The following ZNF75D variants were observed in gnomAD, a reference collection of about 807,000 sequenced individuals.
The protein encoded by ZNF75D is zinc finger protein 75.
Under a neutral mutation model 33.3 loss-of-function variants are expected in ZNF75D, and 33 were observed. The observed-to-expected ratio is 0.99, with a 90% CI of 0.75 to 1.32. The LOEUF (loss-of-function observed/expected upper bound fraction) is 1.32, where lower values mean the gene tolerates loss of function less well. Among genes scored for constraint, ZNF75D ranks in the 40% most tolerant of loss-of-function variants. The pLI, the probability that ZNF75D is intolerant of heterozygous loss-of-function variation, is 0.00. For synonymous variants in ZNF75D, 113 were observed against 130.6 expected (o/e 0.87, Z 0.92); for missense variants, 338 against 367.5 (o/e 0.92, Z 0.66).
intron 1 of ZNF75D, among the ~76,000 whole-genome samples, chrX:135,329,043 A>C (rs1226906526): frequency 8.9e-6 from 1 of 112,202 alleles, no homozygotes; most frequent in Non-Finnish European, 1.9e-5. Flanking sequence ...ACACTCAAAA[A>C]TGACACTTAT....
chrX:135,290,358 T>C (rs782630465), intron 6 of ZNF75D, among the ~76,000 whole-genome samples: 1 of 112,333 alleles, frequency 8.9e-6, no homozygotes, highest in Non-Finnish European at 1.9e-5. Context: ...ATGGATATGC[T>C]CTACATTTAA....
At chrX:135,316,084 T>C (rs1438307599) in intron 1 of ZNF75D, among the ~76,000 whole-genome samples, 3 of 111,595 alleles carry the variant, frequency 2.7e-5, no homozygotes, top group Non-Finnish European at 5.7e-5. Context: ...CTTTCTCATC[T>C]GTATGTTTGC....
chrX:135,264,276 G>C (rs1261547980), intron 1 of ZNF75D, among the ~76,000 whole-genome samples: 1 of 111,318 alleles, frequency 9.0e-6, no homozygotes, highest in Non-Finnish European at 1.9e-5. Context: ...ACTATCACGA[G>C]AAGAGCAGGG....
chrX:135,340,666 G>A (rs1271691971), intron 1 of ZNF75D, among the ~76,000 whole-genome samples: 2 of 112,048 alleles, frequency 1.8e-5, no homozygotes, highest in Admixed American at 1.9e-4. Flanking sequence ...GATTCTACTT[G>A]TTCTGCCCAG....
intron 1 of ZNF75D, among the ~76,000 whole-genome samples, chrX:135,258,580 G>A (rs1348697548): frequency 8.9e-6 from 1 of 111,825 alleles, no homozygotes; most frequent in African/African-American, 3.3e-5. Context: ...CCTGTTGGCT[G>A]CATAGATGTC....
At chrX:135,257,632 G>A (rs964699320) in intron 1 of ZNF75D, among the ~76,000 whole-genome samples, 2 of 112,762 alleles carry the variant, frequency 1.8e-5, no homozygotes, top group African/African-American at 6.4e-5. Context: ...GCCCACTGCT[G>A]TGATGGCTTC....
chrX:135,318,698 A>C (rs2084457135), intron 1 of ZNF75D, among the ~76,000 whole-genome samples: 1 of 111,468 alleles, frequency 9.0e-6, no homozygotes, highest in Admixed American at 9.5e-5. Context: ...TTCCAGACAA[A>C]AGATGCCTTA....
intron 1 of ZNF75D, among the ~76,000 whole-genome samples, chrX:135,314,927 G>A (rs782192083): frequency 1.1e-3 from 124 of 111,284 alleles, no homozygotes; most frequent in Non-Finnish European, 2.0e-3. Flanking sequence ...CATTTAATTG[G>A]TCTTTTCTAT....
At chrX:135,301,565 A>G (rs1313416643) in intron 1 of ZNF75D, among the ~76,000 whole-genome samples, 9 of 112,463 alleles carry the variant, frequency 8.0e-5, no homozygotes, top group African/African-American at 2.9e-4. Flanking sequence ...AAATTGGCCA[A>G]AACAAAGGGA....
chrX:135,324,021 A>ACACG (rs1459496308), intron 1 of ZNF75D, among the ~76,000 whole-genome samples: 5 of 108,687 alleles, frequency 4.6e-5, no homozygotes, highest in Non-Finnish European at 9.5e-5. Flanking sequence ...ACACACACAC[A>ACACG]CACGCACACC....
chrX:135,326,707 C>T (rs1436382952), intron 1 of ZNF75D, among the ~76,000 whole-genome samples: 6 of 111,688 alleles, frequency 5.4e-5, no homozygotes, highest in African/African-American at 2.0e-4. Context: ...AGCTTCACTC[C>T]TGAAGCCAGC....
In ZNF75D at chrX:135,287,441, T is replaced by A; in HGVS notation, c.1229A>T (p.Lys410Met). The A allele has an allele frequency of 8.3e-7, 1 of 1,211,753 alleles. No homozygotes were observed. The highest frequency in any genetic ancestry group is 1.1e-6 in the Non-Finnish European group (1 of 895,422). Residue 410 changes from lysine to methionine, a missense_variant, in exon 7 of 7, where the codon AAG becomes ATG. Transcript: ENST00000370766. ...RRFRWSSDLNKHFMTHQGIKP... is the reference protein window; with the variant it reads ...RRFRWSSDLNMHFMTHQGIKP... Reference sequence around the variant, plus strand: ...TATTCCTTGATGGGTCATGAAGTGCTTATTAAGATCTGAACTCCATCTAAA... The same window carrying A: ...TATTCCTTGATGGGTCATGAAGTGCATATTAAGATCTGAACTCCATCTAAA...
intron 1 of ZNF75D, among the ~76,000 whole-genome samples, chrX:135,257,682 A>C (rs2083812004): frequency 8.9e-6 from 1 of 112,277 alleles, no homozygotes; most frequent in Non-Finnish European, 1.9e-5. Flanking sequence ...GTAGCCACAG[A>C]GGACTTGCAT....
chrX:135,294,367 T>A (rs1251186631), intron 2 of ZNF75D, 109 bp from the exon 3 acceptor site: 1 of 314,964 alleles, frequency 3.2e-6, no homozygotes, highest in Non-Finnish European at 5.5e-6. Flanking sequence ...CTGTCTGGCT[T>A]CTTCTTTAAA....
At chrX:135,256,685 C>T (rs1183041152) in intron 1 of ZNF75D, among the ~76,000 whole-genome samples, 9 of 111,528 alleles carry the variant, frequency 8.1e-5, no homozygotes, top group African/African-American at 2.6e-4. Context: ...CTTGTGCCAT[C>T]CCTCCTCCAA....
intron 1 of ZNF75D, among the ~76,000 whole-genome samples, chrX:135,307,924 AG>A (rs782475226): frequency 5.0e-4 from 56 of 112,995 alleles, no homozygotes; most frequent in African/African-American, 1.8e-3. Flanking sequence ...ATCACTACCC[AG>A]GGAACCTGGC....
At chrX:135,271,810 C>A (rs2083884029) in intron 1 of ZNF75D, among the ~76,000 whole-genome samples, 1 of 112,221 alleles carries the variant, frequency 8.9e-6, no homozygotes, top group Admixed American at 9.4e-5. Context: ...CAGAAGACCA[C>A]AACTGGGTTG....
At chrX:135,315,152 T>C (rs1556430778) in intron 1 of ZNF75D, among the ~76,000 whole-genome samples, 1 of 112,443 alleles carries the variant, frequency 8.9e-6, no homozygotes, top group African/African-American at 3.2e-5. Flanking sequence ...TTTTCATTTG[T>C]TTCAAAAAAT....
intron 1 of ZNF75D, among the ~76,000 whole-genome samples, chrX:135,258,535 C>G (rs1330755393): frequency 1.8e-5 from 2 of 111,742 alleles, no homozygotes; most frequent in African/African-American, 6.5e-5. Flanking sequence ...TTGCATTTCT[C>G]TGATGACCAA....
Sources: allele counts gnomAD v4.1 joint callset (sites outside exome capture counted in the v4.1 genomes callset), GRCh38; gene constraint gnomAD v4.1.1; transcripts MANE v1.5; gene names NCBI Gene and HGNC (gene_info 2026-07-23, HGNC 2026-07-21).